The following PACRG variants were observed in gnomAD, a reference collection of about 807,000 sequenced individuals.
PACRG encodes parkin coregulated gene protein.
PACRG carries 29 observed loss-of-function variants against 29.7 expected under a neutral mutation model. The ratio of observed to expected loss-of-function variants is 0.98; its 90% CI spans 0.73 to 1.33. PACRG has a LOEUF of 1.33. PACRG is among the 40% of genes most tolerant of loss of function. The pLI is 0.00. For missense variants in PACRG, 279 were observed against 316.2 expected (o/e 0.88, Z 0.89); for synonymous variants, 116 against 118.7 (o/e 0.98, Z 0.15).
chr6:162,988,917 G>A (rs990067139), intron 2 of PACRG, among the ~76,000 whole-genome samples: 2 of 152,184 alleles, frequency 1.3e-5, no homozygotes, highest in African/African-American at 4.8e-5. Context: ...GGGGCAAATA[G>A]GCAGGAGCTA....
At chr6:162,958,000 T>C (rs1319863956) in intron 2 of PACRG, among the ~76,000 whole-genome samples, 1 of 152,192 alleles carries the variant, frequency 6.6e-6, no homozygotes, top group Non-Finnish European at 1.5e-5. Context: ...TTTTCACTAA[T>C]GATATAAAAC....
intron 4 of PACRG, among the ~76,000 whole-genome samples, chr6:163,093,282 G>T (rs1294868904): frequency 6.6e-6 from 1 of 152,198 alleles, no homozygotes; most frequent in African/African-American, 2.4e-5. Flanking sequence ...TCTAAACAGT[G>T]AATTTTGGAC....
chr6:162,965,385 G>A (rs953800068), intron 2 of PACRG, among the ~76,000 whole-genome samples: 4 of 152,178 alleles, frequency 2.6e-5, no homozygotes, highest in Non-Finnish European at 4.4e-5. Context: ...ATTTCTCATA[G>A]CTCAGGATCT....
intron 4 of PACRG, chr6:163,190,294 T>G (rs1042376286): frequency 1.3e-5 from 2 of 152,152 alleles, no homozygotes; most frequent in Admixed American, 1.3e-4. Context: ...TCCCCAAACA[T>G]TTACAAGTAC....
At chr6:163,177,067 CA>C (rs1391616844) in intron 4 of PACRG, among the ~76,000 whole-genome samples, 2 of 152,090 alleles carry the variant, frequency 1.3e-5, no homozygotes, top group African/African-American at 4.8e-5. Flanking sequence ...GGACAAAGAG[CA>C]AGAGGCAGAA....
At chr6:162,849,329 AAAG>A (rs1184381456) in intron 2 of PACRG, among the ~76,000 whole-genome samples, 2 of 152,222 alleles carry the variant, frequency 1.3e-5, no homozygotes, top group Non-Finnish European at 2.9e-5. Flanking sequence ...GGGAGAGAGA[AAAG>A]AACAGGAAAG....
intron 1 of PACRG, among the ~76,000 whole-genome samples, chr6:162,741,092 T>C (rs943095008): frequency 1.3e-5 from 2 of 152,176 alleles, no homozygotes; most frequent in Non-Finnish European, 2.9e-5. Context: ...CATTATTTAA[T>C]CATGATGTAT....
At chr6:163,198,184 T>C (rs1780554195) in intron 4 of PACRG, among the ~76,000 whole-genome samples, 1 of 152,256 alleles carries the variant, frequency 6.6e-6, no homozygotes, top group African/African-American at 2.4e-5. Flanking sequence ...CTGGAACTAG[T>C]TATTCACTAA....
chr6:162,868,676 A>G (rs1480483100), intron 2 of PACRG, among the ~76,000 whole-genome samples: 3 of 152,222 alleles, frequency 2.0e-5, no homozygotes, highest in Admixed American at 1.3e-4. Context: ...TTTCCGGCTC[A>G]TCACCTGCTT....
chr6:162,734,316 GTTTTAC>G (rs1179727752), intron 1 of PACRG, among the ~76,000 whole-genome samples: 2 of 151,902 alleles, frequency 1.3e-5, no homozygotes, highest in Non-Finnish European at 2.9e-5. Context: ...CCTGGATTCT[GTTTTAC>G]TTTTAATTTT....
intron 2 of PACRG, among the ~76,000 whole-genome samples, chr6:162,844,953 T>C (rs544932043): frequency 5.9e-5 from 9 of 152,326 alleles, no homozygotes; most frequent in East Asian, 1.9e-4. Flanking sequence ...GTAAGTAGTT[T>C]TGTTTATTAA....
intron 4 of PACRG, among the ~76,000 whole-genome samples, chr6:163,135,484 G>A (rs1585254393): frequency 6.6e-6 from 1 of 152,286 alleles, no homozygotes; most frequent in East Asian, 1.9e-4. Flanking sequence ...ACAGCACCCA[G>A]CCTTAGTTAA....
At chr6:163,007,297 T>G (rs1448605486) in intron 2 of PACRG, among the ~76,000 whole-genome samples, 3 of 152,166 alleles carry the variant, frequency 2.0e-5, no homozygotes, top group African/African-American at 7.2e-5. Context: ...ACAATTATCT[T>G]TTGGAGACTT....
chr6:162,870,473 A>G (rs190893629), intron 2 of PACRG, among the ~76,000 whole-genome samples: 9 of 152,280 alleles, frequency 5.9e-5, no homozygotes, highest in Admixed American at 1.3e-4. Flanking sequence ...GTGTTTGGCT[A>G]CATGAGTAAG....
At chr6:163,023,252 T>C (rs1002060377) in intron 2 of PACRG, among the ~76,000 whole-genome samples, 2 of 152,064 alleles carry the variant, frequency 1.3e-5, no homozygotes, top group Non-Finnish European at 2.9e-5. Context: ...TAGTCCTCAG[T>C]GTCTCTTGTT....
chr6:163,277,175 G>A (rs925286666), intron 4 of PACRG, among the ~76,000 whole-genome samples: 2 of 151,986 alleles, frequency 1.3e-5, no homozygotes, highest in Non-Finnish European at 2.9e-5. Flanking sequence ...TTCTTTAGTG[G>A]TGATTTCTGA....
chr6:163,181,498 G>A (rs1363557518), intron 4 of PACRG, among the ~76,000 whole-genome samples: 2 of 150,904 alleles, frequency 1.3e-5, no homozygotes, highest in Non-Finnish European at 2.9e-5. Flanking sequence ...TCGTGCCAGC[G>A]GCCCTCCCCT....
Position 162,952,734 on chromosome 6 carries a change from A to T in PACRG, c.292-109416A>T, listed in dbSNP as rs945259979. ...GTTACACGAAAGGGCCATGGGAAGT[A>T]GCATGCATCATCCTTAGTCTGGGAA... On this transcript the variant is annotated intron_variant, in intron 2 of 4. Coordinates refer to ENST00000366888, the MANE Select transcript of PACRG (RefSeq NM_001080379.2). Among the ~76,000 whole-genome samples, 51 of 152,314 alleles carry T rather than the reference A, an allele frequency of 3.3e-4. 1 individual carries two copies. The highest frequency in any genetic ancestry group is 3.3e-3 in the Admixed American group (51 of 15,304).
At chr6:163,248,727 T>C (rs545666161) in intron 4 of PACRG, among the ~76,000 whole-genome samples, 1 of 152,242 alleles carries the variant, frequency 6.6e-6, no homozygotes, top group African/African-American at 2.4e-5. Flanking sequence ...ATGTGCTTCT[T>C]TCTAGAAAAA....
Sources: allele counts gnomAD v4.1 joint callset (sites outside exome capture counted in the v4.1 genomes callset), GRCh38; gene constraint gnomAD v4.1.1; transcripts MANE v1.5; gene names NCBI Gene and HGNC (gene_info 2026-07-23, HGNC 2026-07-21).